The following ODAD2 variants were observed in gnomAD, a reference collection of about 807,000 sequenced individuals.
ODAD2 encodes outer dynein arm-docking complex subunit 2.
In ODAD2, 89 loss-of-function variants were observed where a neutral mutation model predicts 106.8. The observed-to-expected ratio is 0.83, with a 90% CI of 0.70 to 0.99. The LOEUF (loss-of-function observed/expected upper bound fraction) is 0.99. Among genes scored for constraint, ODAD2 ranks in the 50% least tolerant of loss-of-function variants. The probability of loss-of-function intolerance (pLI) is 0.00; values close to 1 mark genes in which losing one functional copy is unlikely to be tolerated. For missense variants in ODAD2, 1,168 were observed against 1,238.5 expected, an observed-to-expected ratio of 0.94 and a Z score of 0.85; for synonymous variants, 404 against 436.2, an observed-to-expected ratio of 0.93 and a Z score of 0.92.
chr10:27,962,505 C>T (rs1018735176), intron 9 of ODAD2, among the ~76,000 whole-genome samples: 1 of 152,122 alleles, frequency 6.6e-6, no homozygotes, highest in Non-Finnish European at 1.5e-5. Context: ...CTCCATAATG[C>T]CTACACTGAA....
At chr10:27,863,423 C>A (rs561843787) in intron 17 of ODAD2, among the ~76,000 whole-genome samples, 1 of 152,146 alleles carries the variant, frequency 6.6e-6, no homozygotes, top group Non-Finnish European at 1.5e-5. Flanking sequence ...CAGCTGAGAA[C>A]GTGTGCATTG....
chr10:27,994,811 G>A, intron 2 of ODAD2, 108 bp downstream of exon 2: 1 of 1,186,778 alleles, frequency 8.4e-7, no homozygotes, highest in Non-Finnish European at 1.2e-6. Context: ...GGTTTAGAGG[G>A]CTTCTGAGGT....
chr10:27,923,945 TGAAAGAAA>T (rs747193046), intron 16 of ODAD2, among the ~76,000 whole-genome samples: 4,892 of 45,920 alleles, frequency 0.11, 147 homozygotes, highest in Middle Eastern at 0.19. Context: ...CCCTGTCTAA[TGAAAGAAA>T]GAAAGAAAGA....
chr10:27,970,292 T>C (rs2132973376), intron 8 of ODAD2, among the ~76,000 whole-genome samples: 1 of 152,226 alleles, frequency 6.6e-6, no homozygotes, highest in Non-Finnish European at 1.5e-5. Context: ...TTTATATAGG[T>C]CCATTCATAT....
chr10:27,907,627 G>A, intron 17 of ODAD2, 36 bp downstream of exon 17: 1 of 1,451,518 alleles, frequency 6.9e-7, no homozygotes, highest in Non-Finnish European at 9.7e-7. Context: ...TAGTATTAGA[G>A]ATTCTAGAAG....
In ODAD2 at chr10:27,944,380, G is replaced by T. The variant is rs772846348; in HGVS notation, c.1585C>A (p.Gln529Lys). The T allele has an allele frequency of 6.2e-7, 1 of 1,613,780 alleles. No homozygotes were observed. The highest frequency in any genetic ancestry group is 8.5e-7 in the Non-Finnish European group (1 of 1,179,924). ...AAGCCCCCAAGGTCAACAATATTCT[G>T]TCTGATTTGAGGATTATGACTGATT... ...KEISHNPQIR[Q>K]NIVDLGGLPI... Residue 529 changes from glutamine to lysine, a missense_variant, in exon 12 of 20, where the codon CAG (glutamine) becomes AAG (lysine). By Grantham distance (53) the Gln-to-Lys change is moderately conservative. Around this residue, in one of 3 missense-constraint regions of ODAD2, gnomAD observed 701 missense variants for 712.3 expected, o/e 0.98. Coordinates refer to ENST00000305242, the MANE Select transcript of ODAD2 (RefSeq NM_018076.5).
At chr10:27,947,517 G>A (rs574925379) in intron 10 of ODAD2, among the ~76,000 whole-genome samples, 9 of 151,954 alleles carry the variant, frequency 5.9e-5, no homozygotes, top group Non-Finnish European at 1.0e-4. Flanking sequence ...TTAATTAAAG[G>A]AAATTAAATC....
intron 2 of ODAD2, among the ~76,000 whole-genome samples, chr10:27,994,445 G>A (rs1850426363): frequency 6.6e-6 from 1 of 152,060 alleles, no homozygotes; most frequent in Admixed American, 6.6e-5. Context: ...GAAGAATATG[G>A]ATGACCTGGT....
At chr10:27,907,810 G>A in intron 16 of ODAD2, 33 bp from the exon 17 acceptor site, 1 of 1,360,110 alleles carries the variant, frequency 7.4e-7, no homozygotes, top group Non-Finnish European at 1.1e-6. Context: ...GATATAAACT[G>A]TCATTAGTAT....
chr10:27,845,079 C>T (rs1174006971), intron 19 of ODAD2, among the ~76,000 whole-genome samples: 1 of 152,062 alleles, frequency 6.6e-6, no homozygotes, highest in African/African-American at 2.4e-5. Context: ...CAAAGATACT[C>T]CTCGAAAAGA....
chr10:27,941,436 G>T (rs1276593414), intron 12 of ODAD2, among the ~76,000 whole-genome samples: 3 of 149,460 alleles, frequency 2.0e-5, no homozygotes, highest in African/African-American at 7.4e-5. Context: ...AGTGAGTTAT[G>T]ATCACACCAC....
intron 17 of ODAD2, among the ~76,000 whole-genome samples, chr10:27,884,954 T>C (rs1401475612): frequency 6.6e-6 from 1 of 152,062 alleles, no homozygotes; most frequent in Non-Finnish European, 1.5e-5. Context: ...TCCGAGCTGG[T>C]CTGCAAAAAC....
rs887404844 is a variant in ODAD2, at chr10:27,936,651, A to C, written c.2252+75T>G. 8 of 1,505,370 alleles carry C rather than the reference A, an allele frequency of 5.3e-6. No homozygotes were observed. The African/African-American group carries it at 9.7e-5, about 18-fold the overall frequency. 93.3% of individuals were successfully genotyped at this position (1,505,370 alleles called of 1,614,324 possible). On this transcript the variant is annotated intron_variant, in intron 15 of 19. Transcript: ENST00000305242. ...CTAACATTAGAATTGACTCCTTACT[A>C]GAATGGCATTAAATGACAAGAAGGT...
intron 17 of ODAD2, among the ~76,000 whole-genome samples, chr10:27,906,616 A>T (rs1843610054): frequency 6.6e-6 from 1 of 152,216 alleles, no homozygotes; most frequent in African/African-American, 2.4e-5. Context: ...ACCAACCAAA[A>T]CACCCATCAA....
intron 7 of ODAD2, among the ~76,000 whole-genome samples, chr10:27,971,984 T>C (rs1025384953): frequency 3.9e-5 from 6 of 152,220 alleles, no homozygotes; most frequent in Admixed American, 3.9e-4. Context: ...ATTCAAAAAA[T>C]TAAAAGCTGC....
intron 9 of ODAD2, among the ~76,000 whole-genome samples, chr10:27,963,138 G>A (rs1848251485): frequency 1.3e-5 from 2 of 151,968 alleles, no homozygotes; most frequent in South Asian, 4.1e-4. Flanking sequence ...CTCCTGAGTA[G>A]CTGGACTTAC....
chr10:27,815,396 G>A (rs557611971), intron 19 of ODAD2, among the ~76,000 whole-genome samples: 37 of 152,204 alleles, frequency 2.4e-4, no homozygotes, highest in African/African-American at 8.7e-4. Context: ...TCTTTAAAGA[G>A]TTGTCTGGAA....
intron 8 of ODAD2, among the ~76,000 whole-genome samples, chr10:27,969,865 G>A (rs962040031): frequency 6.6e-6 from 1 of 152,164 alleles, no homozygotes; most frequent in African/African-American, 2.4e-5. Context: ...CAGCACTTTG[G>A]GAGGCAGAAG....
chr10:27,925,272 AT>A (rs775717890), intron 16 of ODAD2, among the ~76,000 whole-genome samples: 2 of 152,204 alleles, frequency 1.3e-5, no homozygotes, highest in African/African-American at 2.4e-5. Context: ...TAAGAAAAAA[AT>A]CATGATGAAA....
Sources: gnomAD v4.1 joint callset for allele counts (sites outside exome capture counted in the v4.1 genomes callset) on GRCh38, gnomAD v4.1.1 for gene constraint, gnomAD v4.1.1 regional missense constraint, MANE v1.5 for transcripts, NCBI Gene and HGNC (gene_info 2026-07-23, HGNC 2026-07-21) for gene names.